Variants in SERPINB7 observed in about 807,000 individuals in gnomAD.
SERPINB7 encodes the protein serpin family B member 7.
SERPINB7 carries 31 observed loss-of-function variants against 37.4 expected under a neutral mutation model. The ratio of observed to expected loss-of-function variants is 0.83; its 90% CI spans 0.62 to 1.12. SERPINB7 has a LOEUF of 1.12. Among genes scored for constraint, SERPINB7 ranks in the 50% most tolerant of loss-of-function variants. SERPINB7 has a pLI of 0.00. For missense variants in SERPINB7, 521 were observed against 455.3 expected (o/e 1.14, Z -1.31); for synonymous variants, 163 against 166.1 (o/e 0.98, Z 0.14).
rs918273592 is a variant in SERPINB7 at position 63,794,583 on chromosome 18, G to A, written c.336+1306G>A. ...CAGGCGCCTGTAGTCCCAGCTACTCGGGAGGCTGAGGCAGGAGAATGGCAT... is the reference window on the plus strand; with the variant it reads ...CAGGCGCCTGTAGTCCCAGCTACTCAGGAGGCTGAGGCAGGAGAATGGCAT... On this transcript the variant is annotated intron_variant, in intron 4 of 7. Coordinates refer to ENST00000398019, the MANE Select transcript of SERPINB7 (RefSeq NM_003784.4). 6.6e-5 allele frequency among the ~76,000 whole-genome samples: 10 copies of A among 152,076 alleles called. No individual in the cohort carries two copies. The South Asian group carries it at 1.9e-3, about 28-fold the overall frequency.
At chr18:63,774,733 T>G (rs1365231306), upstream of SERPINB7, among the ~76,000 whole-genome samples, 1 of 152,096 alleles carries the variant, frequency 6.6e-6, no homozygotes, top group Admixed American at 6.6e-5. Context: ...CAAGAATGAA[T>G]GAACACACCA....
At chr18:63,774,122 C>A (rs942237203), upstream of SERPINB7, among the ~76,000 whole-genome samples, 1 of 152,006 alleles carries the variant, frequency 6.6e-6, no homozygotes. Context: ...CCTTCTCCTT[C>A]AGAAAGTTCA....
At chr18:63,782,612 T>A (rs1032903736) in intron 2 of SERPINB7, 72 bp downstream of exon 2, 13 of 1,438,506 alleles carry the variant, frequency 9.0e-6, no homozygotes, top group Admixed American at 5.6e-5. Context: ...GTTGCAATGG[T>A]CCCCATGTTA....
rs2049592649 is a variant in SERPINB7 at position 63,804,973 on chromosome 18, C to CT, written c.*343dup. On this transcript the variant is annotated 3_prime_UTR_variant, in exon 8 of 8. Transcript: ENST00000398019. ...GAACGTAGAAGTAGCCCTAGGGATCCTTTTTGAAACTCTACAGTTATCGCA... is the reference window on the plus strand; with the variant it reads ...GAACGTAGAAGTAGCCCTAGGGATCCTTTTTTGAAACTCTACAGTTATCGCA... 1 of 232,892 alleles carries CT rather than the reference C, an allele frequency of 4.3e-6. No homozygotes were observed. The allele number at this position is 232,892 out of a possible 1,614,324, so 14.4% of individuals were successfully genotyped here. A position where few individuals can be genotyped will look rare whatever the true frequency, so the allele number is the denominator to read the frequency against.
In SERPINB7 at chr18:63,796,390, A is replaced by G. The variant is rs2049489287; in HGVS notation, c.454+7A>G. ...GTTGAAAATGAAACACATGGTGAGT[A>G]TTGAAATACCCTATTTTTCTACAAG... On this transcript the variant is annotated splice_region_variant and intron_variant, in intron 5 of 7. Transcript: ENST00000398019. 2 of 1,405,280 alleles carry G rather than the reference A, an allele frequency of 1.4e-6. No homozygotes were observed. Among genetic ancestry groups the G allele is most frequent in the South Asian group, 2.3e-5 (2 of 85,926 alleles). The allele number at this position is 1,405,280 out of a possible 1,614,324, so 87.1% of individuals were successfully genotyped here.
intron 1 of SERPINB7, among the ~76,000 whole-genome samples, chr18:63,757,635 C>T (rs1161830184): frequency 6.6e-6 from 1 of 152,216 alleles, no homozygotes; most frequent in Non-Finnish European, 1.5e-5. Flanking sequence ...TTTAGTGTCA[C>T]TGCTGAAAAA....
Position 63,782,347 on chromosome 18 carries a change from T to C in SERPINB7, c.-18-8T>C. 1.4e-6 allele frequency: 2 copies of C among 1,468,100 alleles called. No individual in the cohort carries two copies. Among genetic ancestry groups the C allele is most frequent in the Non-Finnish European group, 1.8e-6 (2 of 1,096,252 alleles). The allele number at this position is 1,468,100 out of a possible 1,614,324, so 90.9% of individuals were successfully genotyped here. ...GGGAACTAATTTCATTTTCTCATTG[T>C]CCTCTAGGCTGCACTCCATTTTGCA... On this transcript the variant is annotated splice_polypyrimidine_tract_variant and splice_region_variant and intron_variant, in intron 1 of 7. Coordinates refer to ENST00000398019, the MANE Select transcript of SERPINB7 (RefSeq NM_003784.4).
intron 2 of SERPINB7, among the ~76,000 whole-genome samples, chr18:63,787,143 T>C (rs1053107296): frequency 4.6e-5 from 7 of 152,180 alleles, no homozygotes; most frequent in Admixed American, 6.5e-5. Flanking sequence ...CCGTGACACA[T>C]CACATGAGGT....
At chr18:63,786,244 A>ACT (rs1568209570) in intron 2 of SERPINB7, among the ~76,000 whole-genome samples, 9 of 137,818 alleles carry the variant, frequency 6.5e-5, no homozygotes, top group Middle Eastern at 3.6e-3. Context: ...ACACACACAC[A>ACT]CATCCACACA....
At chr18:63,795,937 C>G (rs2049483080) in intron 4 of SERPINB7, among the ~76,000 whole-genome samples, 1 of 152,106 alleles carries the variant, frequency 6.6e-6, no homozygotes, top group Non-Finnish European at 1.5e-5. Context: ...ATGACACAGG[C>G]AAGGGAGACT....
chr18:63,791,279 TAAAGAA>T (rs2049424433), intron 2 of SERPINB7, among the ~76,000 whole-genome samples: 2 of 152,268 alleles, frequency 1.3e-5, no homozygotes, highest in Admixed American at 1.3e-4. Flanking sequence ...TCCCAGAACT[TAAAGAA>T]TAATAAAAAT....
At chr18:63,801,585 G>C (rs1003740683) in intron 7 of SERPINB7, among the ~76,000 whole-genome samples, 2 of 152,150 alleles carry the variant, frequency 1.3e-5, no homozygotes, top group South Asian at 4.1e-4. Flanking sequence ...AAGGTTTGGA[G>C]GTTAGGAGTT....
At chr18:63,762,279 G>A (rs2049158492) in intron 1 of SERPINB7, among the ~76,000 whole-genome samples, 1 of 152,158 alleles carries the variant, frequency 6.6e-6, no homozygotes, top group Admixed American at 6.5e-5. Flanking sequence ...ATTTCAAAGG[G>A]CAAATTTATT....
At chr18:63,786,304 C>CAT (rs56280823) in intron 2 of SERPINB7, among the ~76,000 whole-genome samples, 93,986 of 146,442 alleles carry the variant, frequency 0.64, 32,551 homozygotes, top group African/African-American at 0.91. Flanking sequence ...TTGGATTACA[C>CAT]GTTTGGATTA....
At position 63,805,366 on chromosome 18, in the gene SERPINB7, A is replaced by G. The variant is rs1016377636; in HGVS notation, c.*731A>G. 3 of 152,202 alleles carry G rather than the reference A, an allele frequency of 2.0e-5. No homozygotes were observed. Among genetic ancestry groups the G allele is most frequent in the African/African-American group, 7.2e-5 (3 of 41,450 alleles). The allele number at this position is 152,202 out of a possible 1,614,324, so 9.4% of individuals were successfully genotyped here. A position where few individuals can be genotyped will look rare whatever the true frequency, so the allele number is the denominator to read the frequency against. ...CTATTTATCAGAATAAAGAAATACA[A>G]CATACCTGTACAGTGTGATTGTTTT... On this transcript the variant is annotated 3_prime_UTR_variant, in exon 8 of 8. Transcript: ENST00000398019.
At chr18:63,754,511 G>T (rs2049109395) in intron 1 of SERPINB7, among the ~76,000 whole-genome samples, 1 of 152,158 alleles carries the variant, frequency 6.6e-6, no homozygotes, top group African/African-American at 2.4e-5. Flanking sequence ...TGTCGTCTAA[G>T]GGTGGTCCCT....
At chr18:63,773,092 AACG>A (rs1395789922), upstream of SERPINB7, among the ~76,000 whole-genome samples, 5 of 152,072 alleles carry the variant, frequency 3.3e-5, no homozygotes, top group African/African-American at 7.2e-5. Context: ...CCCACAGTAA[AACG>A]ACAAAGAATA....
intron 5 of SERPINB7, 27 bp downstream of exon 5, chr18:63,796,410 T>C (rs750435976): frequency 3.1e-6 from 4 of 1,308,322 alleles, no homozygotes; most frequent in East Asian, 2.3e-5. Context: ...CCTATTTTTC[T>C]ACAAGATTTG....
At chr18:63,792,489 G>A (rs2049440105) in intron 3 of SERPINB7, 46 bp downstream of exon 3, 3 of 1,299,740 alleles carry the variant, frequency 2.3e-6, no homozygotes, top group Non-Finnish European at 3.3e-6. Flanking sequence ...TGAGCCAGGT[G>A]CAGGGGCTCA....
Sources: allele counts gnomAD v4.1 joint callset (sites outside exome capture counted in the v4.1 genomes callset), GRCh38; gene constraint gnomAD v4.1.1; transcripts MANE v1.5; gene names NCBI Gene and HGNC (gene_info 2026-07-23, HGNC 2026-07-21).